The following KIF16B variants were observed in gnomAD, a reference collection of about 807,000 sequenced individuals.
KIF16B encodes kinesin family member 16B, also known as kinesin-like protein KIF16B.
A neutral mutation model predicts 156.3 loss-of-function variants in KIF16B; 98 were observed. The ratio of observed to expected loss-of-function variants is 0.63; its 90% CI spans 0.53 to 0.74. KIF16B has a LOEUF of 0.74. KIF16B is among the 30% of genes least tolerant of loss of function. The pLI, the probability that KIF16B is intolerant of heterozygous loss-of-function variation, is 0.00. For missense variants in KIF16B, 1,421 were observed against 1,606.5 expected (o/e 0.88, Z 1.97); for synonymous variants, 564 against 583.7 (o/e 0.97, Z 0.49).
intron 15 of KIF16B, among the ~76,000 whole-genome samples, chr20:16,409,982 T>TATATATATGTAGGTAC (rs71192332): frequency 0.027 from 1,522 of 55,474 alleles, 148 homozygotes; most frequent in Non-Finnish European, 0.035. Context: ...TATATATATA[T>TATATATATGTAGGTAC]ATATATATAT....
intron 12 of KIF16B, among the ~76,000 whole-genome samples, chr20:16,463,112 A>G (rs1452217659): frequency 1.3e-5 from 2 of 152,184 alleles, no homozygotes; most frequent in East Asian, 1.9e-4. Context: ...AAGCTCATCT[A>G]TAAAACCAAC....
chr20:16,468,731 C>T (rs940765199), intron 12 of KIF16B, among the ~76,000 whole-genome samples: 6 of 151,948 alleles, frequency 3.9e-5, no homozygotes, highest in African/African-American at 1.4e-4. Flanking sequence ...AACAAATCTA[C>T]TATTAGAGAG....
At chr20:16,328,469 A>C (rs957418056) in intron 24 of KIF16B, among the ~76,000 whole-genome samples, 11 of 152,200 alleles carry the variant, frequency 7.2e-5, no homozygotes, top group African/African-American at 2.4e-4. Flanking sequence ...ATTTTAATAC[A>C]TGAAATGTCT....
intron 24 of KIF16B, among the ~76,000 whole-genome samples, chr20:16,329,137 T>C (rs2122879267): frequency 6.6e-6 from 1 of 152,348 alleles, no homozygotes; most frequent in Non-Finnish European, 1.5e-5. Flanking sequence ...TTTATTAAAA[T>C]ACCAGACCAG....
intron 7 of KIF16B, among the ~76,000 whole-genome samples, chr20:16,507,544 A>C (rs753872768): frequency 1.3e-5 from 2 of 152,218 alleles, no homozygotes; most frequent in Non-Finnish European, 1.5e-5. Context: ...TCATTCTAAT[A>C]ATCATCATCA....
intron 12 of KIF16B, among the ~76,000 whole-genome samples, chr20:16,436,842 A>T (rs1043660731): frequency 6.6e-6 from 1 of 152,172 alleles, no homozygotes; most frequent in Non-Finnish European, 1.5e-5. Context: ...TACAAAAAGG[A>T]AGGATGAAAA....
rs6135767 is a variant in KIF16B, at chr20:16,500,031, C to T, written c.1177-2353G>A. On this transcript the variant is annotated intron_variant, in intron 10 of 25. Transcript: ENST00000354981. ...GTTCTACTAACAACTTATACAAGCA[C>T]CCCTTGCCTCACACCCTCATCAATA... Among the ~76,000 whole-genome samples, 997 of 152,214 alleles carry T rather than the reference C, an allele frequency of 6.5e-3. 20 individuals carry two copies. In the East Asian group the frequency reaches 0.07, roughly 11 times the overall value.
At chr20:16,565,433 C>T (rs143613179) in intron 1 of KIF16B, among the ~76,000 whole-genome samples, 13 of 152,218 alleles carry the variant, frequency 8.5e-5, no homozygotes, top group African/African-American at 3.1e-4. Flanking sequence ...TTGTGAACCC[C>T]CTATAAAAGA....
At chr20:16,337,910 C>T (rs527911432) in intron 23 of KIF16B, among the ~76,000 whole-genome samples, 1 of 152,216 alleles carries the variant, frequency 6.6e-6, no homozygotes, top group Non-Finnish European at 1.5e-5. Context: ...TTAATGGAAC[C>T]ACTTCATGAC....
chr20:16,428,043 C>T (rs2066402077), intron 14 of KIF16B, among the ~76,000 whole-genome samples: 1 of 152,042 alleles, frequency 6.6e-6, no homozygotes, highest in South Asian at 2.1e-4. Flanking sequence ...TATAGCTACC[C>T]CAAAGATCAA....
At chr20:16,563,297 A>G (rs776420213) in intron 1 of KIF16B, among the ~76,000 whole-genome samples, 2 of 152,088 alleles carry the variant, frequency 1.3e-5, no homozygotes, top group African/African-American at 2.4e-5. Context: ...GTGCTGACCA[A>G]CCTCCCTGGA....
chr20:16,358,898 T>C (rs1481563522), intron 22 of KIF16B, among the ~76,000 whole-genome samples: 4 of 152,192 alleles, frequency 2.6e-5, no homozygotes, highest in Non-Finnish European at 5.9e-5. Context: ...AATGAAACAT[T>C]GCTATTTTAC....
intron 25 of KIF16B, among the ~76,000 whole-genome samples, chr20:16,282,972 CG>C (rs1367084113): frequency 1.3e-5 from 2 of 152,128 alleles, no homozygotes; most frequent in African/African-American, 2.4e-5. Context: ...ACCACTTGCC[CG>C]AAGGTACTTG....
chr20:16,545,884 A>G (rs552969577), intron 1 of KIF16B, among the ~76,000 whole-genome samples: 1 of 151,316 alleles, frequency 6.6e-6, no homozygotes, highest in East Asian at 1.9e-4. Context: ...TTCTAGAAAA[A>G]TGTTCTCAGT....
chr20:16,355,248 C>G (rs910549446), intron 23 of KIF16B, among the ~76,000 whole-genome samples: 25 of 152,140 alleles, frequency 1.6e-4, no homozygotes, highest in African/African-American at 5.8e-4. Context: ...CCTCCCTCCC[C>G]ACTCTGTGTG....
chr20:16,503,907 T>C (rs931798387), intron 10 of KIF16B, among the ~76,000 whole-genome samples: 4 of 152,140 alleles, frequency 2.6e-5, no homozygotes, highest in African/African-American at 9.7e-5. Context: ...AGGTGTAATA[T>C]ACATGTGTCG....
Position 16,328,435 on chromosome 20 carries a change from C to A in KIF16B, c.3711+7491G>T, listed in dbSNP as rs985862745. Among the ~76,000 whole-genome samples, 11 of 152,182 alleles carry A rather than the reference C, an allele frequency of 7.2e-5. 1 individual carries two copies. The highest frequency in any genetic ancestry group is 2.6e-4 in the Admixed American group (4 of 15,286). ...TATACTCTCATGATGCACAGGCATCCCCTAGCACTTGTTTTGATTGTACAT... is the reference window on the plus strand; with the variant it reads ...TATACTCTCATGATGCACAGGCATCACCTAGCACTTGTTTTGATTGTACAT... On this transcript the variant is annotated intron_variant, in intron 24 of 25. Coordinates refer to ENST00000354981, the MANE Select transcript of KIF16B (RefSeq NM_024704.5).
At chr20:16,530,995 C>T (rs190386523) in intron 1 of KIF16B, among the ~76,000 whole-genome samples, 598 of 152,200 alleles carry the variant, frequency 3.9e-3, no homozygotes, top group South Asian at 7.7e-3. Flanking sequence ...GCCACCATGC[C>T]TGGTCAATAC....
rs146492540 is a variant in KIF16B at position 16,319,500 on chromosome 20, T to C, written c.3712-7082A>G. 4.7e-3 allele frequency among the ~76,000 whole-genome samples: 714 copies of C among 152,250 alleles called. 4 individuals are homozygous for C. Among genetic ancestry groups the C allele is most frequent in the Non-Finnish European group, 5.6e-3 (382 of 68,012 alleles). On this transcript the variant is annotated intron_variant, in intron 24 of 25. Transcript: ENST00000354981. ...GATCAACAACTCTTTTTAGATCCAG[T>C]GGAGAAGTGAGATCACAGGGCAAAC...
Sources: gnomAD v4.1 joint callset for allele counts (sites outside exome capture counted in the v4.1 genomes callset) on GRCh38, gnomAD v4.1.1 for gene constraint, MANE v1.5 for transcripts, NCBI Gene and HGNC (gene_info 2026-07-23, HGNC 2026-07-21) for gene names.